The following ADAMTSL1 variants were observed in gnomAD, a reference collection of about 807,000 sequenced individuals.
The protein encoded by ADAMTSL1 is ADAMTS like 1.
Under a neutral mutation model 201.8 loss-of-function variants are expected in ADAMTSL1, and 126 were observed. The ratio of observed to expected loss-of-function variants is 0.62; its 90% CI spans 0.54 to 0.72. The LOEUF (loss-of-function observed/expected upper bound fraction) is 0.72. Among genes scored for constraint, ADAMTSL1 ranks in the 30% least tolerant of loss-of-function variants. ADAMTSL1 has a pLI of 0.00. For synonymous variants in ADAMTSL1, 1,121 were observed against 903.4 expected, an observed-to-expected ratio of 1.24 and a Z score of -4.32; for missense variants, 2,679 against 2,277.8, an observed-to-expected ratio of 1.18 and a Z score of -3.59.
chr9:18,592,568 A>G lies in ADAMTSL1; in HGVS notation c.474+18302A>G, dbSNP rs186764924. ...CCGACCATTATGCTCCTCATCTTCAAGCCTCCTTGACTCCTTTGCAAAACT... is the reference window on the plus strand; with the variant it reads ...CCGACCATTATGCTCCTCATCTTCAGGCCTCCTTGACTCCTTTGCAAAACT... On this transcript the variant is annotated intron_variant, in intron 4 of 28. Transcript: ENST00000380548. Among the ~76,000 whole-genome samples the G allele has an allele frequency of 3.5e-3, 530 of 152,212 alleles. 6 individuals are homozygous for G. Among genetic ancestry groups the G allele is most frequent in the African/African-American group, 0.012 (519 of 41,548 alleles).
chr9:18,189,632 C>G (rs765397819), intron 2 of ADAMTSL1, among the ~76,000 whole-genome samples: 5 of 152,062 alleles, frequency 3.3e-5, no homozygotes, highest in African/African-American at 4.8e-5. Context: ...CTTCTTATTC[C>G]TCATCCATGG....
At chr9:18,014,762 T>A (rs1338183160) in intron 1 of ADAMTSL1, among the ~76,000 whole-genome samples, 1 of 152,016 alleles carries the variant, frequency 6.6e-6, no homozygotes, top group Non-Finnish European at 1.5e-5. Context: ...ACAGCTCAGG[T>A]CTGAATCATC....
chr9:18,886,204 A>G (rs1456829558), intron 23 of ADAMTSL1, among the ~76,000 whole-genome samples: 1 of 133,344 alleles, frequency 7.5e-6, no homozygotes, highest in Non-Finnish European at 1.6e-5. Context: ...ATATATATAT[A>G]TATATATACA....
At chr9:18,200,261 C>A (rs542595914) in intron 2 of ADAMTSL1, among the ~76,000 whole-genome samples, 6 of 151,740 alleles carry the variant, frequency 4.0e-5, no homozygotes, top group Non-Finnish European at 5.9e-5. Flanking sequence ...TAGCGAGACA[C>A]TATCTCTATT....
intron 2 of ADAMTSL1, among the ~76,000 whole-genome samples, chr9:18,276,662 C>T (rs1832599562): frequency 1.3e-5 from 2 of 152,192 alleles, no homozygotes; most frequent in African/African-American, 4.8e-5. Context: ...AGCTTACAAT[C>T]AGGGCAGAAG....
At chr9:18,615,212 C>CAAAAACAAAACA (rs1215574605) in intron 4 of ADAMTSL1, among the ~76,000 whole-genome samples, 6 of 151,946 alleles carry the variant, frequency 3.9e-5, no homozygotes, top group Non-Finnish European at 8.8e-5. Context: ...AGTTGTAAAC[C>CAAAAACAAAACA]AAAAACAAAA....
At chr9:18,532,311 G>A (rs1347327656) in intron 2 of ADAMTSL1, among the ~76,000 whole-genome samples, 3 of 152,036 alleles carry the variant, frequency 2.0e-5, no homozygotes, top group African/African-American at 7.2e-5. Flanking sequence ...TTTATGAAGA[G>A]CCTTACAAAA....
At chr9:18,762,240 C>T (rs2133669024) in intron 16 of ADAMTSL1, among the ~76,000 whole-genome samples, 1 of 152,046 alleles carries the variant, frequency 6.6e-6, no homozygotes, top group East Asian at 1.9e-4. Flanking sequence ...AACAATGAGC[C>T]CTTATAGAAG....
At chr9:17,975,016 C>G (rs1818386818) in intron 1 of ADAMTSL1, among the ~76,000 whole-genome samples, 3 of 151,832 alleles carry the variant, frequency 2.0e-5, no homozygotes, top group Admixed American at 6.6e-5. Flanking sequence ...TTTTCACATC[C>G]TCCCCAAAAG....
chr9:18,528,158 A>C (rs1819212558), intron 2 of ADAMTSL1, among the ~76,000 whole-genome samples: 1 of 152,158 alleles, frequency 6.6e-6, no homozygotes, highest in African/African-American at 2.4e-5. Context: ...GATTACAGGC[A>C]TGAGCCACCA....
At chr9:18,725,181 C>G (rs909973651) in intron 15 of ADAMTSL1, among the ~76,000 whole-genome samples, 6 of 152,182 alleles carry the variant, frequency 3.9e-5, no homozygotes, top group African/African-American at 1.2e-4. Context: ...GCTGGGATTA[C>G]AGGCGTGAGC....
chr9:17,999,899 C>G (rs1819543699), intron 1 of ADAMTSL1, among the ~76,000 whole-genome samples: 1 of 149,766 alleles, frequency 6.7e-6, no homozygotes, highest in African/African-American at 2.5e-5. Context: ...ATGATGATTT[C>G]CAATGTCATC....
At chr9:18,035,347 C>A (rs181242674) in intron 1 of ADAMTSL1, among the ~76,000 whole-genome samples, 9 of 152,210 alleles carry the variant, frequency 5.9e-5, no homozygotes, top group African/African-American at 1.9e-4. Context: ...TTGAAGTGGA[C>A]CTATCGTTTT....
intron 1 of ADAMTSL1, among the ~76,000 whole-genome samples, chr9:18,006,201 G>C (rs150871063): frequency 2.4e-4 from 37 of 152,076 alleles, no homozygotes; most frequent in African/African-American, 8.4e-4. Context: ...AGATGTGCTA[G>C]AGCAGTCCAT....
At chr9:18,574,771 G>A (rs188657942) in intron 4 of ADAMTSL1, among the ~76,000 whole-genome samples, 2 of 152,284 alleles carry the variant, frequency 1.3e-5, no homozygotes, top group Admixed American at 6.5e-5. Flanking sequence ...AGTCATGGAA[G>A]AGCCAGCTAG....
chr9:18,307,913 C>T (rs1488060684), intron 2 of ADAMTSL1, among the ~76,000 whole-genome samples: 2 of 152,130 alleles, frequency 1.3e-5, no homozygotes, highest in Non-Finnish European at 2.9e-5. Context: ...CACCACATAA[C>T]ATTTATTTTA....
intron 1 of ADAMTSL1, among the ~76,000 whole-genome samples, chr9:18,005,404 T>TC (rs1246975761): frequency 6.6e-6 from 1 of 152,046 alleles, no homozygotes; most frequent in African/African-American, 2.4e-5. Flanking sequence ...TATTTAATTT[T>TC]CCCAAGCACA....
At position 18,410,195 on chromosome 9, in the gene ADAMTSL1, C is replaced by CT. The variant is rs944376295; in HGVS notation, c.208-94625dup. 2.3e-3 allele frequency among the ~76,000 whole-genome samples: 340 copies of CT among 149,808 alleles called. 1 individual carries two copies. The highest frequency in any genetic ancestry group is 8.0e-3 in the African/African-American group (326 of 40,896). On this transcript the variant is annotated intron_variant, in intron 2 of 29. Coordinates refer to the ADAMTSL1 transcript ENST00000680146. ...CCCTGAATCTTTTTTTTTTTACTTC[C>CT]TTTTTTTTTCTGTCAACTTTTATTT...
chr9:18,567,082 CT>C (rs1490499961), intron 3 of ADAMTSL1, among the ~76,000 whole-genome samples: 1 of 152,152 alleles, frequency 6.6e-6, no homozygotes, highest in Non-Finnish European at 1.5e-5. Context: ...ATTAGAAGCT[CT>C]GGAGGGTGGG....
Sources: allele counts gnomAD v4.1 joint callset (sites outside exome capture counted in the v4.1 genomes callset), GRCh38; gene constraint gnomAD v4.1.1; transcripts MANE v1.5; gene names NCBI Gene and HGNC (gene_info 2026-07-23, HGNC 2026-07-21).